SETBP1: variants seen among roughly 807,000 people sequenced by gnomAD.
SETBP1 encodes SET-binding protein.
SETBP1 carries 9 observed loss-of-function variants against 101.0 expected under a neutral mutation model. That is an observed-to-expected ratio of 0.09 (90% CI 0.05 to 0.16). The LOEUF is 0.16. SETBP1 is among the 10% of genes least tolerant of loss of function. The pLI is 1.00. For missense variants in SETBP1, 1,858 were observed against 2,033.8 expected (o/e 0.91, Z 1.66); for synonymous variants, 818 against 788.5 (o/e 1.04, Z -0.63).
At chr18:44,975,657 A>G (rs975769369) in intron 4 of SETBP1, among the ~76,000 whole-genome samples, 1 of 152,224 alleles carries the variant, frequency 6.6e-6, no homozygotes, top group African/African-American at 2.4e-5. Context: ...GCAAAAATAT[A>G]TGATTACTAC....
At chr18:44,958,243 ATAGT>A (rs1050008201) in intron 4 of SETBP1, among the ~76,000 whole-genome samples, 5 of 152,238 alleles carry the variant, frequency 3.3e-5, no homozygotes, top group African/African-American at 1.2e-4. Flanking sequence ...TGTTGACCAA[ATAGT>A]TAGTTGTTCA....
intron 2 of SETBP1, among the ~76,000 whole-genome samples, chr18:44,781,771 C>T (rs2071136611): frequency 6.6e-6 from 1 of 152,146 alleles, no homozygotes; most frequent in African/African-American, 2.4e-5. Context: ...GGTTCTCTTC[C>T]CATGTCTGCC....
intron 2 of SETBP1, among the ~76,000 whole-genome samples, chr18:44,721,991 C>G (rs2069608197): frequency 6.6e-6 from 1 of 152,234 alleles, no homozygotes; most frequent in Non-Finnish European, 1.5e-5. Flanking sequence ...TGTTTGCCAA[C>G]TAGAGGGTAT....
intron 3 of SETBP1, chr18:44,877,141 G>A (rs1189992746): frequency 1.5e-5 from 15 of 993,392 alleles, no homozygotes; most frequent in African/African-American, 1.7e-5. Flanking sequence ...ACAGAGTATG[G>A]GCTCCAAGCC....
At chr18:44,722,509 T>C (rs1374533932) in intron 2 of SETBP1, among the ~76,000 whole-genome samples, 1 of 152,222 alleles carries the variant, frequency 6.6e-6, no homozygotes, top group Non-Finnish European at 1.5e-5. Flanking sequence ...TCAAAGATAC[T>C]GTTGTTTTGT....
At chr18:44,974,920 G>A (rs950348158) in intron 4 of SETBP1, among the ~76,000 whole-genome samples, 2 of 152,202 alleles carry the variant, frequency 1.3e-5, no homozygotes, top group African/African-American at 4.8e-5. Flanking sequence ...TGGCCTGTGA[G>A]TGATTCTTTT....
intron 2 of SETBP1, among the ~76,000 whole-genome samples, chr18:44,779,695 A>G (rs2071083404): frequency 6.6e-6 from 1 of 152,114 alleles, no homozygotes; most frequent in African/African-American, 2.4e-5. Context: ...AGGCCTTGAG[A>G]AAACTCTGAC....
At chr18:44,789,752 C>T (rs144917063) in intron 2 of SETBP1, among the ~76,000 whole-genome samples, 72 of 152,318 alleles carry the variant, frequency 4.7e-4, no homozygotes, top group African/African-American at 1.5e-3. Flanking sequence ...TTTTAGTAAA[C>T]GGAGTCTGTC....
At chr18:44,856,793 T>C (rs1028987493) in intron 2 of SETBP1, among the ~76,000 whole-genome samples, 2 of 152,230 alleles carry the variant, frequency 1.3e-5, no homozygotes, top group African/African-American at 2.4e-5. Flanking sequence ...GAATGGCCAC[T>C]GCTGTTAACA....
intron 3 of SETBP1, among the ~76,000 whole-genome samples, chr18:44,944,370 G>A (rs192379897): frequency 5.5e-4 from 84 of 152,294 alleles, no homozygotes; most frequent in African/African-American, 1.9e-3. Context: ...AACCACAGAA[G>A]GGCCCTACTC....
intron 2 of SETBP1, among the ~76,000 whole-genome samples, chr18:44,757,400 C>T (rs994144837): frequency 2.0e-5 from 3 of 152,218 alleles, no homozygotes; most frequent in Admixed American, 1.3e-4. Flanking sequence ...GAGCCTGCCT[C>T]ACTGCTAATG....
intron 2 of SETBP1, among the ~76,000 whole-genome samples, chr18:44,718,455 G>C (rs568147909): frequency 6.6e-6 from 1 of 151,334 alleles, no homozygotes; most frequent in East Asian, 2.0e-4. Flanking sequence ...TACTGAGTCT[G>C]AGAAAGATGT....
intron 2 of SETBP1, among the ~76,000 whole-genome samples, chr18:44,730,100 A>G (rs2069803437): frequency 6.6e-6 from 1 of 152,196 alleles, no homozygotes; most frequent in South Asian, 2.1e-4. Flanking sequence ...TGCGGCTGAG[A>G]CCTTATCTGC....
At chr18:44,741,449 G>A (rs890371841) in intron 2 of SETBP1, among the ~76,000 whole-genome samples, 1 of 152,142 alleles carries the variant, frequency 6.6e-6, no homozygotes, top group African/African-American at 2.4e-5. Context: ...TTCATTGCCT[G>A]TGCCATCGGG....
chr18:44,785,783 G>A (rs1343409394), intron 2 of SETBP1, among the ~76,000 whole-genome samples: 2 of 152,180 alleles, frequency 1.3e-5, no homozygotes, highest in Non-Finnish European at 2.9e-5. Flanking sequence ...GGATGATTTT[G>A]TAAAAACACT....
intron 3 of SETBP1, among the ~76,000 whole-genome samples, chr18:44,914,935 C>T: frequency 6.6e-6 from 1 of 151,944 alleles, no homozygotes. Context: ...AAAATCAACG[C>T]TTATTTTAAT....
intron 5 of SETBP1, among the ~76,000 whole-genome samples, chr18:45,060,617 ATTGT>A (rs1046669294): frequency 2.0e-5 from 3 of 152,078 alleles, no homozygotes; most frequent in Admixed American, 2.0e-4. Flanking sequence ...ATTTTTTAGG[ATTGT>A]TTGGTAGATT....
Position 44,953,139 on chromosome 18 carries a change from G to A in SETBP1, c.3799G>A (p.Gly1267Ser). ...DSCTKRYSGS[G>S]GDGGSTRSEN... The stretch of plus-strand genomic sequence containing the variant: ...ATGCACGAAAAGATACTCTGGCAGT[G>A]GCGGGGATGGTGGCAGCACGAGATC... Residue 1267 changes from glycine to serine, a missense_variant, in exon 4 of 6, where the codon GGC becomes AGC. This residue lies in a region of SETBP1 where 417 missense variants were observed against 389.1 expected (regional missense o/e 1.07). Coordinates refer to ENST00000649279, the MANE Select transcript of SETBP1 (RefSeq NM_015559.3). The A allele has an allele frequency of 6.2e-7, 1 of 1,614,100 alleles. No individual in the cohort carries two copies. Among genetic ancestry groups the A allele is most frequent in the Non-Finnish European group, 8.5e-7 (1 of 1,180,004 alleles).
intron 3 of SETBP1, among the ~76,000 whole-genome samples, chr18:44,946,838 T>C (rs7235070): frequency 0.24 from 36,976 of 152,116 alleles, 4,799 homozygotes; most frequent in East Asian, 0.56. Context: ...CCTAGCAGTA[T>C]AAAGACTGTG....
Sources: allele counts gnomAD v4.1 joint callset (sites outside exome capture counted in the v4.1 genomes callset), GRCh38; gene constraint gnomAD v4.1.1; regional missense constraint gnomAD v4.1.1; transcripts MANE v1.5; gene names NCBI Gene and HGNC (gene_info 2026-07-23, HGNC 2026-07-21).